The following CCNI variants were observed in gnomAD, a reference collection of about 807,000 sequenced individuals.
CCNI encodes the protein cyclin-I.
In CCNI, 14 loss-of-function variants were observed where a neutral mutation model predicts 34.1. The observed-to-expected ratio is 0.41, with a 90% CI of 0.27 to 0.64. The LOEUF is 0.64. Ranked by LOEUF, CCNI falls within the 30% of genes least tolerant of loss-of-function variation. The probability of loss-of-function intolerance (pLI) is 0.31; values close to 1 mark genes in which losing one functional copy is unlikely to be tolerated. For synonymous variants in CCNI, 154 were observed against 158.4 expected (o/e 0.97, Z 0.21); for missense variants, 385 against 440.5 (o/e 0.87, Z 1.13).
intron 3 of CCNI, 156 bp from the exon 4 acceptor site, chr4:77,056,479 G>C: frequency 1.7e-6 from 1 of 605,574 alleles, no homozygotes; most frequent in Non-Finnish European, 3.0e-6. Context: ...TTACTTTTTA[G>C]ATCAGAGCTA....
Position 77,048,343 on chromosome 4 carries a change from A to T in CCNI, c.1010T>A (p.Ile337Asn). 6.2e-7 allele frequency: 1 copy of T among 1,612,374 alleles called. No homozygotes were observed. Among genetic ancestry groups the T allele is most frequent in the Non-Finnish European group, 8.5e-7 (1 of 1,179,138 alleles). Residue 337 changes from isoleucine (I) to asparagine (N), a missense_variant, in exon 7 of 7, where the codon ATC becomes AAC. Ile to Asn is a moderately radical substitution (Grantham distance 149). Around this residue, in one of 2 missense-constraint regions of CCNI, gnomAD observed 250 missense variants for 248.7 expected, o/e 1.01. Transcript: ENST00000237654. ...EMEVDDFYDG[I>N]KRLYNEDNVS... The stretch of plus-strand genomic sequence containing the variant: ...ATTATCTTCATTATAGAGCCGTTTG[A>T]TTCCATCATAGAAGTCATCCACTTC...
rs773182819 is a variant in CCNI, at chr4:77,055,252, T to C, written c.588A>G (p.Gln196=). The C allele has an allele frequency of 3.7e-6, 6 of 1,614,010 alleles. No individual in the cohort carries two copies. Among genetic ancestry groups the C allele is most frequent in the African/African-American group, 1.3e-5 (1 of 74,948 alleles). ...LHCMACNQLL[Q]FRGSMLALAM... ...CCAGAGCAAGCATGGATCCTCTGAATTGCAGAAGTTGGTTGCAGGCCATAC... is the reference window on the plus strand; with the variant it reads ...CCAGAGCAAGCATGGATCCTCTGAACTGCAGAAGTTGGTTGCAGGCCATAC... The change falls in exon 6 of 7, where the codon CAA becomes CAG. Residue 196 remains glutamine (Q), a synonymous_variant. Coordinates refer to ENST00000237654, the MANE Select transcript of CCNI (RefSeq NM_006835.3).
At chr4:77,071,434 C>T (rs1039408875) in intron 1 of CCNI, among the ~76,000 whole-genome samples, 1 of 152,058 alleles carries the variant, frequency 6.6e-6, no homozygotes, top group Non-Finnish European at 1.5e-5. Flanking sequence ...AATCTTCCAC[C>T]TTAAGGTAAT....
At chr4:77,063,343 GTAA>G (rs1241614690) in intron 2 of CCNI, among the ~76,000 whole-genome samples, 2 of 74,054 alleles carry the variant, frequency 2.7e-5, no homozygotes, top group African/African-American at 1.1e-4. Context: ...GGAAAGGGAG[GTAA>G]AAAAAAAAAA....
chr4:77,062,960 CTTACT>C (rs982647047), intron 2 of CCNI, among the ~76,000 whole-genome samples: 3 of 152,162 alleles, frequency 2.0e-5, no homozygotes, highest in East Asian at 3.8e-4. Flanking sequence ...CACTTAAATG[CTTACT>C]TTGAGTCTAT....
Position 77,066,259 on chromosome 4 carries a change from G to A in CCNI, c.104C>T (p.Pro35Leu). ...GAGAAAAATCATTACCTGATTTGAAGGCATTTTCCGCACATTCACTTTCCA... is the reference window on the plus strand; with the variant it reads ...GAGAAAAATCATTACCTGATTTGAAAGCATTTTCCGCACATTCACTTTCCA... ...QMWKVNVRKM[P>L]SNQNVSPSQR... is the part of the protein sequence containing the mutation. The change falls in exon 2 of 7, where the codon CCT (proline) becomes CTT (leucine). Residue 35 changes from proline (P) to leucine (L), a missense_variant. Pro to Leu is a moderately conservative substitution (Grantham distance 98). Around this residue, in one of 2 missense-constraint regions of CCNI, gnomAD observed 135 missense variants for 191.8 expected, o/e 0.70. Coordinates refer to ENST00000237654, the MANE Select transcript of CCNI (RefSeq NM_006835.3). 6.2e-6 allele frequency: 10 copies of A among 1,613,776 alleles called. No individual in the cohort carries two copies. The highest frequency in any genetic ancestry group is 7.6e-6 in the Non-Finnish European group (9 of 1,179,754).
intron 3 of CCNI, 49 bp downstream of exon 3, chr4:77,058,458 T>C (rs1018561500): frequency 1.3e-6 from 2 of 1,487,234 alleles, no homozygotes; most frequent in Non-Finnish European, 1.8e-6. Flanking sequence ...TAGTTTAGCA[T>C]ACATACACTC....
intron 1 of CCNI, among the ~76,000 whole-genome samples, chr4:77,070,080 C>T (rs967640738): frequency 3.3e-5 from 5 of 149,326 alleles, no homozygotes; most frequent in East Asian, 2.0e-4. Flanking sequence ...TGTAGTGGCA[C>T]GATCTCGGCT....
intron 3 of CCNI, among the ~76,000 whole-genome samples, chr4:77,057,159 C>G (rs1343616582): frequency 7.0e-6 from 1 of 143,274 alleles, no homozygotes; most frequent in Non-Finnish European, 1.6e-5. Flanking sequence ...GTCCACATCA[C>G]TCCTCCCTCC....
chr4:77,055,069 T>C (rs1019606446), intron 6 of CCNI, 81 bp downstream of exon 6: 6 of 846,324 alleles, frequency 7.1e-6, no homozygotes, highest in African/African-American at 3.4e-5. Context: ...ACATGAGAAA[T>C]GTCTTTTAGT....
At chr4:77,075,168 A>C (rs1191121623) in intron 1 of CCNI, 1 of 152,140 alleles carries the variant, frequency 6.6e-6, no homozygotes, top group Non-Finnish European at 1.5e-5. Context: ...CACGCACTAT[A>C]GAGTAGCTAA....
chr4:77,068,930 T>C (rs1191453830), intron 1 of CCNI, among the ~76,000 whole-genome samples: 1 of 152,158 alleles, frequency 6.6e-6, no homozygotes, highest in East Asian at 1.9e-4. Context: ...TTTGTGTCTT[T>C]AAACGCCTGA....
rs1157936136 is a variant in CCNI at position 77,047,160 on chromosome 4, G to C, written c.*1059C>G. On this transcript the variant is annotated 3_prime_UTR_variant, in exon 7 of 7. Transcript: ENST00000237654. ...AAAAGTCACAAAAACAAAAGTTAAG[G>C]ACAACTTTTTATTGCTACCAGAGGC... The C allele has an allele frequency of 6.6e-6, 1 of 152,122 alleles. No individual in the cohort carries two copies. 9.4% of individuals were successfully genotyped at this position (152,122 alleles called of 1,614,324 possible).
At chr4:77,066,199 G>A (rs1039221963) in intron 2 of CCNI, 50 bp downstream of exon 2, 11 of 1,420,226 alleles carry the variant, frequency 7.7e-6, no homozygotes, top group East Asian at 2.3e-5. Flanking sequence ...TATGGCAGTA[G>A]TATGTTTATT....
At position 77,066,374 on chromosome 4, in the gene CCNI, G is replaced by A. The variant is rs1387911833; in HGVS notation, c.-12C>T. On this transcript the variant is annotated 5_prime_UTR_variant, in exon 2 of 7. Coordinates refer to ENST00000237654, the MANE Select transcript of CCNI (RefSeq NM_006835.3). ...CCTGGAAACTTCATGATATCCTTTG[G>A]ATCTGCCTGCTACCCAGCTTGCTGT... is the stretch of plus-strand genomic sequence containing the variant. The A allele has an allele frequency of 1.2e-6, 2 of 1,613,590 alleles. No individual in the cohort carries two copies. Among genetic ancestry groups the A allele is most frequent in the Admixed American group, 3.3e-5 (2 of 59,960 alleles).
chr4:77,074,146 C>A (rs1253092487), intron 1 of CCNI, among the ~76,000 whole-genome samples: 1 of 152,192 alleles, frequency 6.6e-6, no homozygotes, highest in African/African-American at 2.4e-5. Context: ...AGCTTCCAAT[C>A]TTGACCAACA....
chr4:77,070,234 C>G (rs1327207413), intron 1 of CCNI, among the ~76,000 whole-genome samples: 1 of 151,820 alleles, frequency 6.6e-6, no homozygotes, highest in African/African-American at 2.4e-5. Context: ...CCAGGCTGGT[C>G]TTGAACTCCT....
At chr4:77,048,720 T>C in intron 6 of CCNI, 58 bp from the exon 7 acceptor site, 4 of 1,316,716 alleles carry the variant, frequency 3.0e-6, no homozygotes, top group Non-Finnish European at 4.1e-6. Flanking sequence ...CATAGGCTGC[T>C]CTGTTATCTC....
intron 6 of CCNI, among the ~76,000 whole-genome samples, chr4:77,054,596 T>G (rs1184693593): frequency 1.3e-5 from 2 of 152,234 alleles, no homozygotes; most frequent in African/African-American, 4.8e-5. Context: ...AGTTGATAAT[T>G]TATCAACCTA....
Sources: gnomAD v4.1 joint callset for allele counts (sites outside exome capture counted in the v4.1 genomes callset) on GRCh38, gnomAD v4.1.1 for gene constraint, gnomAD v4.1.1 regional missense constraint, MANE v1.5 for transcripts, NCBI Gene and HGNC (gene_info 2026-07-23, HGNC 2026-07-21) for gene names.